Variants in MYT1L observed in about 807,000 individuals in gnomAD.
MYT1L encodes the protein myelin transcription factor 1-like protein.
MYT1L carries 12 observed loss-of-function variants against 126.7 expected under a neutral mutation model. The ratio of observed to expected loss-of-function variants is 0.09; its 90% CI spans 0.06 to 0.15. The LOEUF is 0.15. MYT1L is among the 10% of genes least tolerant of loss of function. The pLI is 1.00. For missense variants in MYT1L, 979 were observed against 1,585.2 expected (o/e 0.62, Z 6.49); for synonymous variants, 541 against 604.2 (o/e 0.90, Z 1.53).
At chr2:2,037,975 G>C (rs1327192614) in intron 4 of MYT1L, among the ~76,000 whole-genome samples, 1 of 152,138 alleles carries the variant, frequency 6.6e-6, no homozygotes, top group Non-Finnish European at 1.5e-5. Context: ...GAACACTTGT[G>C]TTGTGTCCAT....
At chr2:2,230,395 G>A (rs1392153836) in intron 2 of MYT1L, among the ~76,000 whole-genome samples, 1 of 152,194 alleles carries the variant, frequency 6.6e-6, no homozygotes, top group African/African-American at 2.4e-5. Context: ...TAGGATGTAT[G>A]CTAAGTAATA....
At chr2:1,963,079 A>G (rs557404527) in intron 8 of MYT1L, among the ~76,000 whole-genome samples, 18 of 152,344 alleles carry the variant, frequency 1.2e-4, no homozygotes, top group African/African-American at 4.3e-4. Context: ...TTTCTTAAAT[A>G]ATAAGGCTCG....
intron 5 of MYT1L, among the ~76,000 whole-genome samples, chr2:1,986,508 G>C (rs1416902326): frequency 6.6e-6 from 1 of 152,172 alleles, no homozygotes; most frequent in African/African-American, 2.4e-5. Context: ...AACCAAACCT[G>C]AACCAAGTCT....
chr2:2,195,744 A>C (rs1049575670), intron 2 of MYT1L, among the ~76,000 whole-genome samples: 1 of 152,214 alleles, frequency 6.6e-6, no homozygotes, highest in Non-Finnish European at 1.5e-5. Context: ...ATTAAAAACT[A>C]TAATAATTGA....
Position 2,135,476 on chromosome 2 carries a change from C to A in MYT1L, c.-304+37396G>T, listed in dbSNP as rs967378884. Reference sequence around the variant, plus strand: ...TATGTCTTTATTAGCAGCATGAGAACAGGCTAATACACTGTGTAAGCTACT... The same window carrying A: ...TATGTCTTTATTAGCAGCATGAGAAAAGGCTAATACACTGTGTAAGCTACT... On this transcript the variant is annotated intron_variant, in intron 3 of 24. Coordinates refer to ENST00000647738, the MANE Select transcript of MYT1L (RefSeq NM_001303052.2). Among the ~76,000 whole-genome samples, 5 of 152,176 alleles carry A rather than the reference C, an allele frequency of 3.3e-5. No homozygotes were observed. The East Asian group carries it at 9.6e-4, about 29-fold the overall frequency.
At chr2:2,016,252 T>C (rs1342711684) in intron 4 of MYT1L, among the ~76,000 whole-genome samples, 1 of 152,160 alleles carries the variant, frequency 6.6e-6, no homozygotes, top group Non-Finnish European at 1.5e-5. Flanking sequence ...ACACGTGATA[T>C]GCCAGGGGAG....
At chr2:2,218,019 G>T (rs569051756) in intron 2 of MYT1L, among the ~76,000 whole-genome samples, 2 of 152,134 alleles carry the variant, frequency 1.3e-5, no homozygotes, top group East Asian at 3.9e-4. Context: ...ACCACAACAC[G>T]ATGTCCTACT....
At chr2:2,058,842 C>A (rs2069978073) in intron 3 of MYT1L, among the ~76,000 whole-genome samples, 1 of 152,184 alleles carries the variant, frequency 6.6e-6, no homozygotes. Context: ...TGTGAGGCTC[C>A]TTCTCAGTGA....
chr2:1,892,245 G>C lies in MYT1L; in HGVS notation c.2075C>G (p.Thr692Ser), dbSNP rs1383019530. ...GCTGCTGCTGGGCGCGTAGCTGCTG[G>C]TGCTGCTGCTGCTGGGGCTGGGGTC... is the stretch of plus-strand genomic sequence containing the variant. ...CKDPSPSSSS[T>S]SSYAPSSSSN... is the part of the protein sequence containing the mutation. The change falls in exon 15 of 25, where the codon ACC becomes AGC. Residue 692 changes from threonine to serine, a missense_variant. Physicochemically the swap from Thr to Ser is moderately conservative, Grantham distance 58. Around this residue, in one of 12 missense-constraint regions of MYT1L, gnomAD observed 57 missense variants for 60.3 expected, o/e 0.94. Transcript: ENST00000647738. The C allele has an allele frequency of 1.9e-6, 3 of 1,549,626 alleles. No homozygotes were observed. The highest frequency in any genetic ancestry group is 2.6e-6 in the Non-Finnish European group (3 of 1,146,424).
chr2:1,931,161 G>A (rs1486575442), intron 9 of MYT1L, among the ~76,000 whole-genome samples: 1 of 152,154 alleles, frequency 6.6e-6, no homozygotes, highest in Non-Finnish European at 1.5e-5. Flanking sequence ...GGGCCGGCCT[G>A]GGGGAAATCT....
intron 8 of MYT1L, among the ~76,000 whole-genome samples, chr2:1,959,034 G>A (rs2058743697): frequency 6.6e-6 from 1 of 152,142 alleles, no homozygotes; most frequent in Admixed American, 6.5e-5. Context: ...GAATCGGTGG[G>A]GAGCTTGAAT....
chr2:1,986,384 C>A (rs534569483), intron 5 of MYT1L, among the ~76,000 whole-genome samples: 2 of 152,102 alleles, frequency 1.3e-5, no homozygotes, highest in African/African-American at 4.8e-5. Context: ...CCTTTCAGAG[C>A]TTCAAAAAAA....
At chr2:1,879,469 T>C (rs759079510) in intron 18 of MYT1L, among the ~76,000 whole-genome samples, 1 of 152,094 alleles carries the variant, frequency 6.6e-6, no homozygotes, top group Non-Finnish European at 1.5e-5. Flanking sequence ...TCAGAGCCAC[T>C]CCAGAGGAGC....
At chr2:1,824,635 C>T (rs922344520) in intron 21 of MYT1L, 1 of 152,400 alleles carries the variant, frequency 6.6e-6, no homozygotes, top group South Asian at 2.1e-4. Flanking sequence ...TTGGGGAGCA[C>T]TGACCAGCAC....
intron 3 of MYT1L, among the ~76,000 whole-genome samples, chr2:2,159,136 G>C (rs2087329504): frequency 6.6e-6 from 1 of 152,108 alleles, no homozygotes; most frequent in African/African-American, 2.4e-5. Flanking sequence ...AAGAGCTCCT[G>C]AGACTCCCAG....
chr2:1,903,337 G>A (rs72765597), intron 13 of MYT1L, 43 bp from the exon 14 acceptor site: 105 of 1,499,582 alleles, frequency 7.0e-5, no homozygotes, highest in Non-Finnish European at 9.4e-5. Context: ...GCTTTCCTGT[G>A]GCTTTGTACA....
intron 21 of MYT1L, among the ~76,000 whole-genome samples, chr2:1,823,630 G>A (rs2038880930): frequency 2.7e-5 from 4 of 150,376 alleles, no homozygotes; most frequent in Admixed American, 2.6e-4. Flanking sequence ...AGCCCTGCAG[G>A]TGGGTCGTGC....
At chr2:1,957,415 C>G (rs1236725385) in intron 8 of MYT1L, among the ~76,000 whole-genome samples, 1 of 152,070 alleles carries the variant, frequency 6.6e-6, no homozygotes, top group Non-Finnish European at 1.5e-5. Context: ...ATCCCTCCCC[C>G]TCCCCCACTC....
rs946993215 is a variant in MYT1L at position 1,956,303 on chromosome 2, T to C, written c.153-12969A>G. Among the ~76,000 whole-genome samples, 8 of 136,688 alleles carry C rather than the reference T, an allele frequency of 5.9e-5. 2 individuals carry two copies. Among genetic ancestry groups the C allele is most frequent in the African/African-American group, 2.5e-4 (8 of 32,586 alleles). The allele number at this position is 136,688 out of a possible 152,430, so 89.7% of individuals were successfully genotyped here. On this transcript the variant is annotated intron_variant, in intron 8 of 24. Transcript: ENST00000647738. ...ACCTATCTATCATCTATCTATCCTA[T>C]TCTATATTTCCTATTCTATGTGTCC...
Sources: allele counts gnomAD v4.1 joint callset (sites outside exome capture counted in the v4.1 genomes callset), GRCh38; gene constraint gnomAD v4.1.1; regional missense constraint gnomAD v4.1.1; transcripts MANE v1.5; gene names NCBI Gene and HGNC (gene_info 2026-07-23, HGNC 2026-07-21).